The following CLNK variants were observed in gnomAD, a reference collection of about 807,000 sequenced individuals.
CLNK encodes cytokine dependent hematopoietic cell linker.
In CLNK, 74 loss-of-function variants were observed where a neutral mutation model predicts 68.6. The observed-to-expected ratio is 1.08, with a 90% confidence interval of 0.89 to 1.31. The LOEUF is 1.31. Among genes scored for constraint, CLNK ranks in the 50% most tolerant of loss-of-function variants. CLNK has a pLI of 0.00. For synonymous variants in CLNK, 198 were observed against 172.2 expected (o/e 1.15, Z -1.17); for missense variants, 553 against 515.3 (o/e 1.07, Z -0.71).
the CLNK span, among the ~76,000 whole-genome samples, chr4:10,694,654 G>A: frequency 1.3e-5 from 2 of 152,150 alleles, no homozygotes; most frequent in East Asian, 1.9e-4. Context: ...TACAATGTTT[G>A]CACAACTATG....
At position 10,593,514 on chromosome 4, in the gene CLNK, C is replaced by T. The variant is rs1014604306; in HGVS notation, c.83+4464G>A. 7.2e-5 allele frequency among the ~76,000 whole-genome samples: 11 copies of T among 152,006 alleles called. No individual in the cohort carries two copies. In the East Asian group the frequency reaches 9.7e-4, roughly 13 times the overall value. ...TACTAAAAATACAAAACTTGCTGGGCGTGGTGGCAGGCAGCTGTAATCCCA... is the reference window on the plus strand; with the variant it reads ...TACTAAAAATACAAAACTTGCTGGGTGTGGTGGCAGGCAGCTGTAATCCCA... On this transcript the variant is annotated intron_variant, in intron 3 of 18. Coordinates refer to ENST00000226951, the MANE Select transcript of CLNK (RefSeq NM_052964.4).
intron 11 of CLNK, 84 bp downstream of exon 11, chr4:10,540,410 G>A (rs2108808106): frequency 1.0e-6 from 1 of 985,960 alleles, no homozygotes; most frequent in Non-Finnish European, 1.6e-6. Flanking sequence ...TGCTCTGAAA[G>A]GTACTTTGTT....
rs1369047138 is a variant in CLNK at position 10,616,790 on chromosome 4, G to GTGTGTATA, written c.12-18742_12-18741insTATACACA. ...TGTGTGTGTATATATGTGTGTGTGTGTATATATATATATATATATATATAT... is the reference window on the plus strand; with the variant it reads ...TGTGTGTGTATATATGTGTGTGTGTGTGTGTATATATATATATATATATATATATATAT... On this transcript the variant is annotated intron_variant, in intron 2 of 18. Coordinates refer to ENST00000226951, the MANE Select transcript of CLNK (RefSeq NM_052964.4). 6.5e-3 allele frequency among the ~76,000 whole-genome samples: 419 copies of GTGTGTATA among 64,226 alleles called. 4 individuals are homozygous for GTGTGTATA. The highest frequency in any genetic ancestry group is 0.016 in the African/African-American group (370 of 23,844). 42.1% of individuals were successfully genotyped at this position (64,226 alleles called of 152,430 possible).
At chr4:10,634,756 G>C (rs1723016141) in intron 2 of CLNK, among the ~76,000 whole-genome samples, 1 of 152,126 alleles carries the variant, frequency 6.6e-6, no homozygotes, top group African/African-American at 2.4e-5. Flanking sequence ...AGAACAATTT[G>C]GCTTTTCCCT....
chr4:10,621,130 C>T (rs1722436827), intron 2 of CLNK, among the ~76,000 whole-genome samples: 1 of 152,022 alleles, frequency 6.6e-6, no homozygotes, highest in Non-Finnish European at 1.5e-5. Flanking sequence ...AAAGCCCTAC[C>T]TCAGTACCTC....
intron 5 of CLNK, 43 bp from the exon 6 acceptor site, chr4:10,566,193 A>G (rs373498973): frequency 6.2e-6 from 10 of 1,603,300 alleles, no homozygotes; most frequent in African/African-American, 4.0e-5. Context: ...GGAAGGTACA[A>G]TGTTGACAAA....
chr4:10,496,936 G>A (rs1206495513), intron 18 of CLNK, among the ~76,000 whole-genome samples: 3 of 152,194 alleles, frequency 2.0e-5, no homozygotes, highest in African/African-American at 4.8e-5. Context: ...CCTATGGAGT[G>A]CACTTTCATT....
At chr4:10,633,256 A>G (rs931852725) in intron 2 of CLNK, among the ~76,000 whole-genome samples, 1 of 152,200 alleles carries the variant, frequency 6.6e-6, no homozygotes, top group African/African-American at 2.4e-5. Flanking sequence ...TTAAATTTGG[A>G]AATTCCTTTC....
At chr4:10,570,799 A>C (rs775318485) in intron 5 of CLNK, among the ~76,000 whole-genome samples, 2 of 152,200 alleles carry the variant, frequency 1.3e-5, no homozygotes, top group East Asian at 3.8e-4. Flanking sequence ...TAATGTTATA[A>C]ATTTTAATCT....
chr4:10,729,392 A>T, the CLNK span, among the ~76,000 whole-genome samples: 2 of 152,248 alleles, frequency 1.3e-5, no homozygotes, highest in African/African-American at 2.4e-5. Flanking sequence ...CTACCATTTC[A>T]TCTAGTAATC....
intron 16 of CLNK, among the ~76,000 whole-genome samples, chr4:10,510,419 C>T (rs1413416807): frequency 1.3e-5 from 2 of 152,100 alleles, no homozygotes; most frequent in African/African-American, 2.4e-5. Flanking sequence ...AATTTAATAG[C>T]GTGTTTTGTT....
chr4:10,617,139 AG>A (rs1207306080), intron 2 of CLNK, among the ~76,000 whole-genome samples: 1 of 152,136 alleles, frequency 6.6e-6, no homozygotes, highest in Non-Finnish European at 1.5e-5. Context: ...GCAACACAAA[AG>A]AAACAAAAAT....
In CLNK at chr4:10,519,250, T is replaced by C. The variant is rs116785786; in HGVS notation, c.772+1541A>G. 1.9e-3 allele frequency among the ~76,000 whole-genome samples: 287 copies of C among 152,318 alleles called. 3 individuals are homozygous for C. Among genetic ancestry groups the C allele is most frequent in the African/African-American group, 6.6e-3 (276 of 41,580 alleles). ...ACAGCCCTGGGGTGCTTGACTGGAC[T>C]CATATCTGTGAAGGCCATTTCCATC... On this transcript the variant is annotated intron_variant, in intron 15 of 18. Coordinates refer to ENST00000226951, the MANE Select transcript of CLNK (RefSeq NM_052964.4).
intron 8 of CLNK, among the ~76,000 whole-genome samples, chr4:10,543,800 A>G (rs141659488): frequency 2.0e-5 from 3 of 152,374 alleles, no homozygotes; most frequent in African/African-American, 7.2e-5. Context: ...TGAAATAGGT[A>G]GGATTCACTT....
chr4:10,698,606 T>G, the CLNK span, among the ~76,000 whole-genome samples: 1 of 152,258 alleles, frequency 6.6e-6, no homozygotes, highest in Non-Finnish European at 1.5e-5. Context: ...CTTCCAAAAT[T>G]CTCACATTTC....
At chr4:10,562,234 GCA>G (rs1719924618) in intron 7 of CLNK, among the ~76,000 whole-genome samples, 1 of 151,278 alleles carries the variant, frequency 6.6e-6, no homozygotes, top group Non-Finnish European at 1.5e-5. Flanking sequence ...TGTGCTGGAA[GCA>G]CATAGAAATA....
chr4:10,554,965 T>C (rs560871885), intron 8 of CLNK, among the ~76,000 whole-genome samples: 1 of 152,364 alleles, frequency 6.6e-6, no homozygotes, highest in Admixed American at 6.5e-5. Context: ...GGAATAAACC[T>C]TGGCTCTGGT....
At chr4:10,624,514 G>C (rs1722587054) in intron 2 of CLNK, among the ~76,000 whole-genome samples, 1 of 150,882 alleles carries the variant, frequency 6.6e-6, no homozygotes, top group East Asian at 2.0e-4. Flanking sequence ...GGATGGTCTC[G>C]ATCTCCTGAC....
chr4:10,691,376 C>T, the CLNK span, among the ~76,000 whole-genome samples: 7 of 152,122 alleles, frequency 4.6e-5, no homozygotes, highest in Non-Finnish European at 5.9e-5. Flanking sequence ...ATAGTCTAAT[C>T]CTCACATTTT....
Sources: allele counts gnomAD v4.1 joint callset (sites outside exome capture counted in the v4.1 genomes callset), GRCh38; gene constraint gnomAD v4.1.1; transcripts MANE v1.5; gene names NCBI Gene and HGNC (gene_info 2026-07-23, HGNC 2026-07-21).